Variants in PALD1 observed in about 807,000 individuals in gnomAD.
PALD1 encodes the protein phosphatase domain containing paladin 1.
A neutral mutation model predicts 96.0 loss-of-function variants in PALD1; 57 were observed. The observed-to-expected ratio is 0.59, with a 90% confidence interval of 0.48 to 0.74. PALD1 has a LOEUF of 0.74. Ranked by LOEUF, PALD1 falls within the 30% of genes least tolerant of loss-of-function variation. The pLI, the probability that PALD1 is intolerant of heterozygous loss-of-function variation, is 0.00. For missense variants in PALD1, 1,063 were observed against 1,143.7 expected (o/e 0.93, Z 1.02); for synonymous variants, 464 against 473.6 (o/e 0.98, Z 0.26).
chr10:70,554,752 C>A (rs1847558051), intron 18 of PALD1, among the ~76,000 whole-genome samples: 1 of 151,834 alleles, frequency 6.6e-6, no homozygotes, highest in Non-Finnish European at 1.5e-5. Flanking sequence ...TTTAAAACAG[C>A]CTGTGTCTCC....
At chr10:70,553,003 T>C (rs1847511719) in intron 18 of PALD1, among the ~76,000 whole-genome samples, 1 of 152,138 alleles carries the variant, frequency 6.6e-6, no homozygotes, top group Non-Finnish European at 1.5e-5. Flanking sequence ...TTCCTGGAAA[T>C]GGTTCGCATC....
At chr10:70,475,518 C>T (rs1313900924), upstream of PALD1, among the ~76,000 whole-genome samples, 1 of 151,162 alleles carries the variant, frequency 6.6e-6, no homozygotes, top group East Asian at 2.0e-4. Flanking sequence ...ATGTTGTCCA[C>T]TCCTCAGGTC....
chr10:70,515,805 A>T (rs891350400), intron 1 of PALD1, among the ~76,000 whole-genome samples: 7 of 152,162 alleles, frequency 4.6e-5, no homozygotes, highest in African/African-American at 1.7e-4. Context: ...CTAATGCATG[A>T]TAGAAGTGGG....
chr10:70,550,304 C>T (rs578115592), intron 18 of PALD1, among the ~76,000 whole-genome samples: 1 of 152,296 alleles, frequency 6.6e-6, no homozygotes, highest in African/African-American at 2.4e-5. Context: ...GCCACATATT[C>T]TAAGCAGCGG....
chr10:70,489,006 C>T (rs780291951), intron 1 of PALD1, among the ~76,000 whole-genome samples: 3 of 152,112 alleles, frequency 2.0e-5, no homozygotes, highest in Non-Finnish European at 4.4e-5. Context: ...TTGGCTGCCG[C>T]TGGTGGGGGC....
At position 70,531,336 on chromosome 10, in the gene PALD1, G is replaced by T. The variant is rs140490112; in HGVS notation, c.515G>T (p.Arg172Leu). The T allele has an allele frequency of 6.2e-7, 1 of 1,613,920 alleles. No homozygotes were observed. The highest frequency in any genetic ancestry group is 8.5e-7 in the Non-Finnish European group (1 of 1,179,860). Residue 172 changes from arginine (R) to leucine (L), a missense_variant, in exon 5 of 20, where the codon CGT becomes CTT. Coordinates refer to ENST00000263563, the MANE Select transcript of PALD1 (RefSeq NM_014431.3). ...CVREEPVLFL[R>L]ADEDFVSYTP... ...CGGGAGGAACCTGTGCTTTTCCTGCGTGCAGATGAGGACTTTGTGTCCTAC... is the reference window on the plus strand; with the variant it reads ...CGGGAGGAACCTGTGCTTTTCCTGCTTGCAGATGAGGACTTTGTGTCCTAC...
Position 70,547,312 on chromosome 10 carries a change from A to G in PALD1, c.2128A>G (p.Met710Val), listed in dbSNP as rs1304248187. ...KFTKGEFQVVMKVVQLLPDGH... is the reference protein window; with the variant it reads ...KFTKGEFQVVVKVVQLLPDGH... ...CCCCCTTCTCTGGCCCCAGGTAGTA[A>G]TGAAGGTGGTGCAGCTGCTACCCGA... The change falls in exon 18 of 20, where the codon ATG becomes GTG. Residue 710 changes from methionine (M) to valine (V), a missense_variant. By Grantham distance (21) the Met-to-Val change is conservative. Coordinates refer to ENST00000263563, the MANE Select transcript of PALD1 (RefSeq NM_014431.3). 1.2e-6 allele frequency: 2 copies of G among 1,613,616 alleles called. No individual in the cohort carries two copies. Among genetic ancestry groups the G allele is most frequent in the Non-Finnish European group, 1.7e-6 (2 of 1,179,688 alleles).
intron 1 of PALD1, among the ~76,000 whole-genome samples, chr10:70,511,884 G>A (rs930886065): frequency 6.6e-6 from 1 of 152,134 alleles, no homozygotes; most frequent in Admixed American, 6.5e-5. Flanking sequence ...AAAATTAGCC[G>A]GGTGTGGTGG....
chr10:70,542,248 C>T (rs2132402168), intron 17 of PALD1, among the ~76,000 whole-genome samples: 1 of 152,332 alleles, frequency 6.6e-6, no homozygotes, highest in Middle Eastern at 3.4e-3. Context: ...GGCTGATTCT[C>T]TGATTCTTTC....
upstream of PALD1, among the ~76,000 whole-genome samples, chr10:70,473,892 C>A (rs1845791161): frequency 3.4e-4 from 1 of 2,956 alleles, no homozygotes; most frequent in South Asian, 6.8e-3. Context: ...AGGTGATCCA[C>A]CCCCCCCCCC....
chr10:70,500,658 C>T (rs550047100), intron 1 of PALD1, among the ~76,000 whole-genome samples: 3 of 152,270 alleles, frequency 2.0e-5, no homozygotes, highest in East Asian at 3.9e-4. Flanking sequence ...CTGTGCAGCT[C>T]GGTATAATGG....
intron 18 of PALD1, among the ~76,000 whole-genome samples, chr10:70,550,230 G>C (rs555668877): frequency 6.6e-6 from 1 of 152,320 alleles, no homozygotes; most frequent in African/African-American, 2.4e-5. Context: ...GGGTGTCTTG[G>C]CCAGGGCACG....
At chr10:70,463,301 C>T in the PALD1 span, among the ~76,000 whole-genome samples, 6 of 151,972 alleles carry the variant, frequency 3.9e-5, no homozygotes, top group Non-Finnish European at 8.8e-5. Flanking sequence ...CTACCAGCTA[C>T]GGGGAGGCTG....
At chr10:70,524,638 G>C (rs1846814387) in intron 1 of PALD1, among the ~76,000 whole-genome samples, 1 of 152,204 alleles carries the variant, frequency 6.6e-6, no homozygotes, top group Admixed American at 6.5e-5. Context: ...TCATCCTGAT[G>C]CCCTTTCGTG....
At position 70,567,071 on chromosome 10, in the gene PALD1, T is replaced by G. The variant is rs1305047280; in HGVS notation, c.*338T>G. ...TCACTCCCCCAGTTGCCAAACACTGTGGATCTCTCTGTCCTCTTCTCCCCT... is the reference window on the plus strand; with the variant it reads ...TCACTCCCCCAGTTGCCAAACACTGGGGATCTCTCTGTCCTCTTCTCCCCT... On this transcript the variant is annotated 3_prime_UTR_variant, in exon 20 of 20. Coordinates refer to ENST00000263563, the MANE Select transcript of PALD1 (RefSeq NM_014431.3). The G allele has an allele frequency of 3.9e-6, 1 of 254,896 alleles. No homozygotes were observed. Among genetic ancestry groups the G allele is most frequent in the African/African-American group, 2.3e-5 (1 of 44,346 alleles). 15.8% of individuals were successfully genotyped at this position (254,896 alleles called of 1,614,324 possible).
At chr10:70,477,426 C>T (rs1330865850), upstream of PALD1, among the ~76,000 whole-genome samples, 3 of 152,234 alleles carry the variant, frequency 2.0e-5, no homozygotes, top group African/African-American at 4.8e-5. Context: ...CTCTGCTGAA[C>T]TCTGAAGGTC....
chr10:70,507,518 C>G (rs576291736), intron 1 of PALD1, among the ~76,000 whole-genome samples: 1 of 152,306 alleles, frequency 6.6e-6, no homozygotes, highest in African/African-American at 2.4e-5. Flanking sequence ...TTGACCTGGG[C>G]TCAAGTGATC....
At chr10:70,486,197 C>G (rs1846014285) in intron 1 of PALD1, 2 of 163,786 alleles carry the variant, frequency 1.2e-5, no homozygotes, top group Non-Finnish European at 2.8e-5. Context: ...GTTGAGGTAT[C>G]AAAGTCAATA....
chr10:70,509,204 C>T (rs530476201), intron 1 of PALD1, among the ~76,000 whole-genome samples: 3 of 152,282 alleles, frequency 2.0e-5, no homozygotes, highest in Non-Finnish European at 2.9e-5. Context: ...CTGCTCTAAG[C>T]TTCCTAGTGT....
Sources: allele counts gnomAD v4.1 joint callset (sites outside exome capture counted in the v4.1 genomes callset), GRCh38; gene constraint gnomAD v4.1.1; transcripts MANE v1.5; gene names NCBI Gene and HGNC (gene_info 2026-07-23, HGNC 2026-07-21).